Variants in RIMS1 observed in about 807,000 individuals in gnomAD.
RIMS1 encodes regulating synaptic membrane exocytosis protein 1.
In RIMS1, 83 loss-of-function variants were observed where a neutral mutation model predicts 214.1. That is an observed-to-expected ratio of 0.39 (90% CI 0.32 to 0.47). RIMS1 has a LOEUF of 0.47. Among genes scored for constraint, RIMS1 ranks in the 20% least tolerant of loss-of-function variants. The pLI, the probability that RIMS1 is intolerant of heterozygous loss-of-function variation, is 0.99. For missense variants in RIMS1, 2,050 were observed against 2,161.8 expected (o/e 0.95, Z 1.03); for synonymous variants, 793 against 786.8 (o/e 1.01, Z -0.13).
At chr6:72,238,072 G>T in intron 9 of RIMS1, 150 bp downstream of exon 9, 1 of 441,232 alleles carries the variant, frequency 2.3e-6, no homozygotes. Context: ...TTTAATGCAC[G>T]AATAAAGACT....
rs181143705 is a variant in RIMS1 at position 72,354,796 on chromosome 6, C to A, written c.4366+20961C>A. 1.4e-3 allele frequency among the ~76,000 whole-genome samples: 207 copies of A among 152,230 alleles called. 2 individuals carry two copies. The highest frequency in any genetic ancestry group is 1.8e-3 in the Non-Finnish European group (124 of 68,022). ...GGCAAACCTCTTTAGTGCTTTAGAC[C>A]TTTTGGGGTTCTGTTAACATAAGTC... is the stretch of plus-strand genomic sequence containing the variant. On this transcript the variant is annotated intron_variant, in intron 29 of 33. Coordinates refer to ENST00000521978, the MANE Select transcript of RIMS1 (RefSeq NM_014989.7).
chr6:72,056,287 G>A (rs761982139), intron 2 of RIMS1, among the ~76,000 whole-genome samples: 39 of 151,900 alleles, frequency 2.6e-4, no homozygotes, highest in Non-Finnish European at 5.2e-4. Flanking sequence ...AGGCAGTGAG[G>A]ATCAAAAAAA....
At chr6:72,398,857 C>T in intron 32 of RIMS1, 98 bp from the exon 33 acceptor site, 1 of 711,290 alleles carries the variant, frequency 1.4e-6, no homozygotes, top group East Asian at 2.8e-5. Context: ...GGGAAACTTT[C>T]AGTAAGCATC....
At chr6:72,335,012 T>C (rs1056363705) in intron 29 of RIMS1, among the ~76,000 whole-genome samples, 3 of 151,890 alleles carry the variant, frequency 2.0e-5, no homozygotes, top group Non-Finnish European at 4.4e-5. Flanking sequence ...TGTTGTTTCT[T>C]TTGTTTAAAT....
At chr6:72,092,920 C>A (rs187779178) in intron 2 of RIMS1, among the ~76,000 whole-genome samples, 1 of 152,260 alleles carries the variant, frequency 6.6e-6, no homozygotes, top group Admixed American at 6.5e-5. Flanking sequence ...GGAATAATTG[C>A]TGCCTGCCCA....
At chr6:72,276,894 A>G (rs1421371100) in intron 23 of RIMS1, among the ~76,000 whole-genome samples, 1 of 152,214 alleles carries the variant, frequency 6.6e-6, no homozygotes, top group Non-Finnish European at 1.5e-5. Context: ...TGAAGTAAAT[A>G]TGGCATCAGA....
chr6:72,172,711 G>A (rs2496495), intron 4 of RIMS1, among the ~76,000 whole-genome samples: 105,462 of 152,072 alleles, frequency 0.69, 37,050 homozygotes, highest in East Asian at 0.84. Context: ...AGCTTCAAAT[G>A]TAAATGGGTC....
chr6:71,912,301 T>C (rs1341179101), intron 1 of RIMS1, among the ~76,000 whole-genome samples: 9 of 152,126 alleles, frequency 5.9e-5, no homozygotes, highest in Admixed American at 5.9e-4. Context: ...TACTGAAACA[T>C]TTGAATACAA....
intron 6 of RIMS1, among the ~76,000 whole-genome samples, chr6:72,210,947 A>C (rs1262433178): frequency 1.3e-5 from 2 of 152,226 alleles, no homozygotes; most frequent in Non-Finnish European, 2.9e-5. Context: ...AGAATGAAAT[A>C]TTATGCAAGG....
chr6:72,258,058 T>C (rs934039291), intron 16 of RIMS1, 67 bp from the exon 17 acceptor site: 402 of 1,376,614 alleles, frequency 2.9e-4, no homozygotes, highest in Non-Finnish European at 2.9e-4. Flanking sequence ...TAATTTTATA[T>C]TCCTGTGTTA....
At chr6:71,944,729 G>T (rs1936019) in intron 1 of RIMS1, among the ~76,000 whole-genome samples, 2 of 151,922 alleles carry the variant, frequency 1.3e-5, no homozygotes, top group Non-Finnish European at 2.9e-5. Flanking sequence ...ACTTTATCTC[G>T]TGATCTACAT....
At chr6:72,196,377 G>GTTTGTCTATCTATCTATCTA (rs1334799674) in intron 6 of RIMS1, among the ~76,000 whole-genome samples, 26 of 144,088 alleles carry the variant, frequency 1.8e-4, no homozygotes, top group African/African-American at 2.7e-4. Context: ...CTGTCTGTCT[G>GTTTGTCTATCTATCTATCTA]TCTATCTATC....
intron 8 of RIMS1, among the ~76,000 whole-genome samples, chr6:72,236,227 A>T (rs1477475282): frequency 6.6e-6 from 1 of 152,162 alleles, no homozygotes; most frequent in East Asian, 1.9e-4. Context: ...GAGCCCCTGC[A>T]TTGGAAGAAC....
At chr6:71,973,184 A>G (rs181085613) in intron 2 of RIMS1, among the ~76,000 whole-genome samples, 10 of 152,354 alleles carry the variant, frequency 6.6e-5, no homozygotes, top group African/African-American at 2.4e-4. Flanking sequence ...CTGGGATTAC[A>G]GGTGTGAGCC....
chr6:72,151,107 A>G (rs1002421217), intron 4 of RIMS1, among the ~76,000 whole-genome samples: 1 of 152,120 alleles, frequency 6.6e-6, no homozygotes, highest in Non-Finnish European at 1.5e-5. Context: ...CAGTGGCGCA[A>G]TCTCGGCTCA....
intron 1 of RIMS1, among the ~76,000 whole-genome samples, chr6:71,894,495 G>T (rs1471444745): frequency 6.6e-6 from 1 of 152,044 alleles, no homozygotes; most frequent in Non-Finnish European, 1.5e-5. Flanking sequence ...TCAACAGAAT[G>T]ATGCTTTTTA....
chr6:71,970,001 A>T (rs1795461010), intron 2 of RIMS1, among the ~76,000 whole-genome samples: 1 of 152,112 alleles, frequency 6.6e-6, no homozygotes, highest in Non-Finnish European at 1.5e-5. Flanking sequence ...GGTCATTGAA[A>T]TGCTTATATT....
intron 1 of RIMS1, among the ~76,000 whole-genome samples, chr6:71,923,755 G>A (rs1780734911): frequency 6.6e-6 from 1 of 151,778 alleles, no homozygotes; most frequent in Non-Finnish European, 1.5e-5. Flanking sequence ...GTAGAGACGG[G>A]GTGTCTTCAT....
In RIMS1 at chr6:72,333,645, A is replaced by C. The variant is rs749790600; in HGVS notation, c.4176A>C (p.Gly1392=). 6.3e-7 allele frequency: 1 copy of C among 1,597,804 alleles called. No individual in the cohort carries two copies. The highest frequency in any genetic ancestry group is 1.1e-5 in the South Asian group (1 of 88,162). ...AAGGCAGACGGATGGGGACTTCAGG[A>C]AGATCCATCATGAAGAGCACCAGTG... ...KMQGRRMGTS[G]RSIMKSTSVS... The change falls in exon 29 of 34, where the codon GGA becomes GGC. Residue 1392 remains glycine, a synonymous_variant. Transcript: ENST00000521978.
Sources: gnomAD v4.1 joint callset for allele counts (sites outside exome capture counted in the v4.1 genomes callset) on GRCh38, gnomAD v4.1.1 for gene constraint, MANE v1.5 for transcripts, NCBI Gene and HGNC (gene_info 2026-07-23, HGNC 2026-07-21) for gene names.